Variants in ICAM5 observed in about 807,000 individuals in gnomAD.
ICAM5 encodes the protein ICAM-5.
Under a neutral mutation model 78.8 loss-of-function variants are expected in ICAM5, and 38 were observed. The ratio of observed to expected loss-of-function variants is 0.48; its 90% CI spans 0.37 to 0.63. The LOEUF is 0.63. ICAM5 is among the 30% of genes least tolerant of loss of function. The pLI, the probability that ICAM5 is intolerant of heterozygous loss-of-function variation, is 0.00. For missense variants in ICAM5, 1,059 were observed against 1,303.0 expected (o/e 0.81, Z 2.88); for synonymous variants, 544 against 590.9 (o/e 0.92, Z 1.15).
rs760725113 is a variant in ICAM5, at chr19:10,293,828, C to T, written c.1596C>T (p.Leu532=). ...PDVICVRSGE[L]GAVIEGLLRV... ...TGATCTGCGTGCGCTCTGGAGAACT[C>T]GGGGCCGTCATCGAGGGGCTGTTGC... Residue 532 remains leucine, a synonymous_variant, in exon 7 of 11, where the codon CTC becomes CTT. Coordinates refer to ENST00000221980, the MANE Select transcript of ICAM5 (RefSeq NM_003259.4). This position sits in a 1 kb window ranked among gnomAD's most constrained non-coding sequence, Gnocchi z 5.0. 6.2e-6 allele frequency: 10 copies of T among 1,613,204 alleles called. No homozygotes were observed. The highest frequency in any genetic ancestry group is 1.6e-4 in the Middle Eastern group (1 of 6,062).
Position 10,293,802 on chromosome 19 carries a change from G to A in ICAM5, c.1570G>A (p.Val524Met), listed in dbSNP as rs1463674690. Residue 524 changes from valine (V) to methionine (M), a missense_variant, in exon 7 of 11, where the codon GTG becomes ATG. Physicochemically the swap from Val to Met is conservative, Grantham distance 21. Transcript: ENST00000221980. This position sits in a 1 kb window ranked among gnomAD's most constrained non-coding sequence, Gnocchi z 5.0. ...CVAHGVPPPDVICVRSGELGA... is the reference protein window; with the variant it reads ...CVAHGVPPPDMICVRSGELGA... ...GGCGCACGGGGTACCGCCGCCTGAT[G>A]TGATCTGCGTGCGCTCTGGAGAACT... 2 of 1,613,590 alleles carry A rather than the reference G, an allele frequency of 1.2e-6. No individual in the cohort carries two copies. Among genetic ancestry groups the A allele is most frequent in the Non-Finnish European group, 8.5e-7 (1 of 1,180,038 alleles).
chr19:10,290,577 A>G lies in ICAM5; in HGVS notation c.82+452A>G. 5.0e-6 allele frequency: 1 copy of G among 199,516 alleles called. No individual in the cohort carries two copies. The highest frequency in any genetic ancestry group is 1.0e-5 in the Non-Finnish European group (1 of 98,892). The allele number at this position is 199,516 out of a possible 1,614,324, so 12.4% of individuals were successfully genotyped here. On this transcript the variant is annotated intron_variant, in intron 1 of 10. Transcript: ENST00000221980. The surrounding 1 kb of genome is among the most constrained non-coding windows in gnomAD (Gnocchi z 5.7). ...AGCTGTTCCCGCGGTTCCTTCCATG[A>G]GCCCAGCCTTGCGTCCCGGCTCCGT... is the stretch of plus-strand genomic sequence containing the variant.
chr19:10,294,791 C>T lies in ICAM5; in HGVS notation c.2230+151C>T, dbSNP rs942578830. The T allele has an allele frequency of 1.7e-6, 2 of 1,205,718 alleles. No homozygotes were observed. The highest frequency in any genetic ancestry group is 1.5e-5 in the African/African-American group (1 of 65,132). The allele number at this position is 1,205,718 out of a possible 1,614,324, so 74.7% of individuals were successfully genotyped here. Reference sequence around the variant, plus strand: ...GGGGGTAATGAAAATTCTAGCCAGGCGCAGTGGCTCAGGTCTGTAATCCCA... The same window carrying T: ...GGGGGTAATGAAAATTCTAGCCAGGTGCAGTGGCTCAGGTCTGTAATCCCA... On this transcript the variant is annotated intron_variant, in intron 9 of 10. Transcript: ENST00000221980. This position sits in a 1 kb window ranked among gnomAD's most constrained non-coding sequence, Gnocchi z 7.7.
In ICAM5 at chr19:10,290,436, G is replaced by A; in HGVS notation, c.82+311G>A. 3.0e-6 allele frequency: 1 copy of A among 328,718 alleles called. No individual in the cohort carries two copies. The highest frequency in any genetic ancestry group is 5.6e-6 in the Non-Finnish European group (1 of 179,450). The allele number at this position is 328,718 out of a possible 1,614,324, so 20.4% of individuals were successfully genotyped here. ...CTCCTTACGCTGTGCTGTGCACCAT[G>A]GTCCACGGACTGGCATCTTCCCCAC... On this transcript the variant is annotated intron_variant, in intron 1 of 10. Coordinates refer to ENST00000221980, the MANE Select transcript of ICAM5 (RefSeq NM_003259.4). The surrounding 1 kb of genome is among the most constrained non-coding windows in gnomAD (Gnocchi z 5.7).
At chr19:10,291,949 G>A in intron 3 of ICAM5, 86 bp from the exon 4 acceptor site, 2 of 1,506,182 alleles carry the variant, frequency 1.3e-6, no homozygotes, top group Non-Finnish European at 1.8e-6. Context: ...CCTTGAGGAT[G>A]ATAATACGAT....
chr19:10,294,668 G>A lies in ICAM5; in HGVS notation c.2230+28G>A. 4 of 1,611,684 alleles carry A rather than the reference G, an allele frequency of 2.5e-6. No homozygotes were observed. Among genetic ancestry groups the A allele is most frequent in the Non-Finnish European group, 3.4e-6 (4 of 1,179,560 alleles). On this transcript the variant is annotated intron_variant, in intron 9 of 10. Transcript: ENST00000221980. The surrounding 1 kb of genome is among the most constrained non-coding windows in gnomAD (Gnocchi z 7.7). Reference sequence around the variant, plus strand: ...GAGTGGGGGCAGCACCGGATGGAGGGGACACGGTCCTCGGAAGAATGACTC... The same window carrying A: ...GAGTGGGGGCAGCACCGGATGGAGGAGACACGGTCCTCGGAAGAATGACTC...
rs761096972 is a variant in ICAM5, at chr19:10,294,444, G to A, written c.2034G>A (p.Thr678=). The A allele has an allele frequency of 2.2e-5, 36 of 1,611,062 alleles. 2 individuals are homozygous for A. In the South Asian group the frequency reaches 3.1e-4, roughly 14 times the overall value. The change falls in exon 9 of 11, where the codon ACG becomes ACA. Residue 678 remains threonine, a synonymous_variant. Coordinates refer to ENST00000221980, the MANE Select transcript of ICAM5 (RefSeq NM_003259.4). The surrounding 1 kb of genome is among the most constrained non-coding windows in gnomAD (Gnocchi z 7.7). ...MDESTCPSHQ[T]WLEGAEASAL... ...AATCTACCTGCCCAAGTCACCAGAC[G>A]TGGCTGGAAGGGGCTGAGGCTTCCG...
rs762029745 is a variant in ICAM5, at chr19:10,293,888, C to A, written c.1656C>A (p.Cys552Ter). ...GGGAGCATGCGGGCACTTACCGCTGCGAAGCCACCAACCCTCGGGGCTCTG... is the reference window on the plus strand; with the variant it reads ...GGGAGCATGCGGGCACTTACCGCTGAGAAGCCACCAACCCTCGGGGCTCTG... ...VAREHAGTYR[C>*]EATNPRGSAA... is the part of the protein sequence containing the mutation. The change falls in exon 7 of 11, where the codon TGC becomes TGA. Residue 552 changes from cysteine to a stop codon, truncating the protein, a stop_gained. Coordinates refer to ENST00000221980, the MANE Select transcript of ICAM5 (RefSeq NM_003259.4). LOFTEE classifies it high-confidence loss of function. This position sits in a 1 kb window ranked among gnomAD's most constrained non-coding sequence, Gnocchi z 5.0. The A allele has an allele frequency of 6.2e-7, 1 of 1,610,794 alleles. No homozygotes were observed. Among genetic ancestry groups the A allele is most frequent in the South Asian group, 1.1e-5 (1 of 90,904 alleles).
chr19:10,295,142 C>T (rs968229765), intron 9 of ICAM5, among the ~76,000 whole-genome samples: 2 of 152,226 alleles, frequency 1.3e-5, no homozygotes, highest in African/African-American at 2.4e-5. Context: ...GGCTTCACCT[C>T]CTTCCATTCG....
Position 10,294,122 on chromosome 19 carries a change from C to A in ICAM5, c.1794C>A (p.Val598=), listed in dbSNP as rs1355852500. ...CTGGGCGCCTGTTTTCCTGTGAGGT[C>A]GATGGGAAGCCACAGCCAAGCGTGA... ...EGSGRLFSCE[V]DGKPQPSVKC... Residue 598 remains valine, a synonymous_variant, in exon 8 of 11, where the codon GTC becomes GTA. Coordinates refer to ENST00000221980, the MANE Select transcript of ICAM5 (RefSeq NM_003259.4). This position sits in a 1 kb window ranked among gnomAD's most constrained non-coding sequence, Gnocchi z 7.7. 1 of 1,604,108 alleles carries A rather than the reference C, an allele frequency of 6.2e-7. No homozygotes were observed. Among genetic ancestry groups the A allele is most frequent in the Non-Finnish European group, 8.5e-7 (1 of 1,176,352 alleles).
rs550694678 is a variant in ICAM5 at position 10,295,611 on chromosome 19, C to A, written c.2496C>A (p.Ala832=). 6.5e-5 allele frequency: 100 copies of A among 1,539,226 alleles called. No individual in the cohort carries two copies. Among genetic ancestry groups the A allele is most frequent in the Non-Finnish European group, 8.5e-5 (97 of 1,144,690 alleles). Residue 832 remains alanine (A), a splice_region_variant and synonymous_variant, in exon 10 of 11, where the codon GCC becomes GCA. Coordinates refer to ENST00000221980, the MANE Select transcript of ICAM5 (RefSeq NM_003259.4). ...CGCGGCGCATCACGGTGCGCGTGGCCGGTAAGTGGCAGCTGGGGAGAGGCG... is the reference window on the plus strand; with the variant it reads ...CGCGGCGCATCACGGTGCGCGTGGCAGGTAAGTGGCAGCTGGGGAGAGGCG... ...RHARRITVRV[A]GPWLWVAVGG...
Position 10,290,644 on chromosome 19 carries a change from G to C in ICAM5, c.83-428G>C. The C allele has an allele frequency of 4.2e-6, 1 of 239,068 alleles. No homozygotes were observed. The highest frequency in any genetic ancestry group is 8.1e-6 in the Non-Finnish European group (1 of 122,864). The allele number at this position is 239,068 out of a possible 1,614,324, so 14.8% of individuals were successfully genotyped here. A position where few individuals can be genotyped will look rare whatever the true frequency, so the allele number is the denominator to read the frequency against. ...AGGGTCCTTCCTGATCCTTGACCCA[G>C]CCTCGTCTCTCCTTTGCCCTTGCCG... On this transcript the variant is annotated intron_variant, in intron 1 of 10. Transcript: ENST00000221980. This position sits in a 1 kb window ranked among gnomAD's most constrained non-coding sequence, Gnocchi z 5.7.
chr19:10,295,323 A>G, intron 9 of ICAM5, 23 bp from the exon 10 acceptor site: 2 of 1,507,272 alleles, frequency 1.3e-6, no homozygotes, highest in Non-Finnish European at 1.8e-6. Flanking sequence ...GCTAAGCCCC[A>G]CTTCACCTTC....
Position 10,293,660 on chromosome 19 carries a change from C to T in ICAM5, c.1466-38C>T, listed in dbSNP as rs1485922468. On this transcript the variant is annotated intron_variant, in intron 6 of 10. Transcript: ENST00000221980. The surrounding 1 kb of genome is among the most constrained non-coding windows in gnomAD (Gnocchi z 5.0). ...AGGGTCTAGGGACGTCAGATTTGCC[C>T]CCAAACCCCAAAGCCAACAATACAC... 1 of 1,600,290 alleles carries T rather than the reference C, an allele frequency of 6.2e-7. No individual in the cohort carries two copies. Among genetic ancestry groups the T allele is most frequent in the Non-Finnish European group, 8.5e-7 (1 of 1,171,008 alleles).
rs751179388 is a variant in ICAM5, at chr19:10,291,361, G to C, written c.352+20G>C. The stretch of plus-strand genomic sequence containing the variant: ...CTTTCCGTGAGTTCTGGGTGGCCAC[G>C]CGCGTACTCCACTACTCTCCCTCCC... On this transcript the variant is annotated intron_variant, in intron 2 of 10. Coordinates refer to ENST00000221980, the MANE Select transcript of ICAM5 (RefSeq NM_003259.4). 1 of 1,605,618 alleles carries C rather than the reference G, an allele frequency of 6.2e-7. No homozygotes were observed. Among genetic ancestry groups the C allele is most frequent in the Admixed American group, 1.7e-5 (1 of 59,820 alleles).
At chr19:10,292,369 G>A (rs759425530) in intron 4 of ICAM5, 47 bp downstream of exon 4, 1 of 1,530,190 alleles carries the variant, frequency 6.5e-7, no homozygotes, top group Non-Finnish European at 8.8e-7. Context: ...GGGACCAGAG[G>A]AATGCGAAGG....
In ICAM5 at chr19:10,291,068, G is replaced by A. The variant is rs1367281753; in HGVS notation, c.83-4G>A. The A allele has an allele frequency of 1.2e-6, 2 of 1,603,728 alleles. No homozygotes were observed. Among genetic ancestry groups the A allele is most frequent in the Non-Finnish European group, 1.7e-6 (2 of 1,174,758 alleles). On this transcript the variant is annotated splice_region_variant and splice_polypyrimidine_tract_variant and intron_variant, in intron 1 of 10. Transcript: ENST00000221980. ...CCAGGCTCAGCCCGCGTTTCCCTGG[G>A]CAGCGGTCTCGCAGGAGCCCTTCTG...
chr19:10,295,403 G>C lies in ICAM5; in HGVS notation c.2288G>C (p.Gly763Ala), dbSNP rs2040211959. ...CCCCCTGGAGGCGTGCGCCCAGGAG[G>C]AAACTTCACGTTGACCTGCCGCGCG... is the stretch of plus-strand genomic sequence containing the variant. ...ASPPGGVRPG[G>A]NFTLTCRAEA... The change falls in exon 10 of 11, where the codon GGA (glycine) becomes GCA (alanine). Residue 763 changes from glycine to alanine, a missense_variant. Around this residue, in one of 3 missense-constraint regions of ICAM5, gnomAD observed 135 missense variants for 230.2 expected, o/e 0.59. Coordinates refer to ENST00000221980, the MANE Select transcript of ICAM5 (RefSeq NM_003259.4). 1 of 1,605,166 alleles carries C rather than the reference G, an allele frequency of 6.2e-7. No homozygotes were observed. Among genetic ancestry groups the C allele is most frequent in the Non-Finnish European group, 8.5e-7 (1 of 1,177,708 alleles).
Position 10,291,583 on chromosome 19 carries a change from C to A in ICAM5, c.447C>A (p.Pro149=), listed in dbSNP as rs763220847. ...TLSCRVPGAG[P]RASLTLTLLR... ...GCTGTAGGGTCCCCGGCGCCGGGCCCCGTGCGAGCCTCACGCTGACCCTGC... is the reference window on the plus strand; with the variant it reads ...GCTGTAGGGTCCCCGGCGCCGGGCCACGTGCGAGCCTCACGCTGACCCTGC... Residue 149 remains proline (P), a synonymous_variant, in exon 3 of 11, where the codon CCC becomes CCA. Coordinates refer to ENST00000221980, the MANE Select transcript of ICAM5 (RefSeq NM_003259.4). The A allele has an allele frequency of 2.6e-5, 42 of 1,612,288 alleles. No homozygotes were observed. The highest frequency in any genetic ancestry group is 3.3e-5 in the South Asian group (3 of 91,078).
Sources: allele counts gnomAD v4.1 joint callset (sites outside exome capture counted in the v4.1 genomes callset), GRCh38; gene constraint gnomAD v4.1.1; regional missense constraint gnomAD v4.1.1; non-coding constraint Gnocchi (gnomAD v3.1); transcripts MANE v1.5; gene names NCBI Gene and HGNC (gene_info 2026-07-23, HGNC 2026-07-21).